Variants in SUPT3H observed in about 807,000 individuals in gnomAD.
SUPT3H encodes transcription initiation protein SPT3 homolog.
A neutral mutation model predicts 44.3 loss-of-function variants in SUPT3H; 44 were observed. The ratio of observed to expected loss-of-function variants is 0.99; its 90% CI spans 0.78 to 1.28. The LOEUF is 1.28. SUPT3H is among the 50% of genes most tolerant of loss of function. SUPT3H has a pLI of 0.00. For missense variants in SUPT3H, 380 were observed against 387.1 expected, an observed-to-expected ratio of 0.98 and a Z score of 0.15; for synonymous variants, 124 against 125.6, an observed-to-expected ratio of 0.99 and a Z score of 0.09.
intron 2 of SUPT3H, chr6:45,328,487 G>A (rs753562538): frequency 6.6e-7 from 1 of 1,505,270 alleles, no homozygotes; most frequent in South Asian, 1.1e-5. Flanking sequence ...CACAGTCTAT[G>A]CAGTAATAGT....
At chr6:45,300,379 T>C (rs1781959060) in intron 2 of SUPT3H, among the ~76,000 whole-genome samples, 1 of 152,164 alleles carries the variant, frequency 6.6e-6, no homozygotes, top group African/African-American at 2.4e-5. Context: ...AAGAAGAGTA[T>C]CCACAGCCAC....
chr6:44,861,447 C>T (rs1774648307), intron 10 of SUPT3H, among the ~76,000 whole-genome samples: 1 of 151,620 alleles, frequency 6.6e-6, no homozygotes, highest in African/African-American at 2.4e-5. Context: ...AGTACAGTGG[C>T]ACAATCTTGT....
intron 6 of SUPT3H, among the ~76,000 whole-genome samples, chr6:44,983,147 C>T (rs1324334594): frequency 1.3e-5 from 2 of 152,110 alleles, no homozygotes; most frequent in Admixed American, 6.5e-5. Flanking sequence ...GTTTGAGTCA[C>T]ATAAGCATAG....
intron 2 of SUPT3H, among the ~76,000 whole-genome samples, chr6:45,149,999 A>T (rs1254634430): frequency 1.3e-5 from 2 of 151,374 alleles, no homozygotes; most frequent in African/African-American, 2.5e-5. Context: ...ATATCAGGTA[A>T]ATTGAATCTG....
intron 10 of SUPT3H, among the ~76,000 whole-genome samples, chr6:44,919,507 C>T (rs1017354325): frequency 1.8e-4 from 27 of 151,258 alleles, no homozygotes; most frequent in African/African-American, 6.6e-4. Context: ...TTGAGCTACC[C>T]CCACCCTTAA....
Position 44,956,415 on chromosome 6 carries a change from T to C in SUPT3H, c.581-1808A>G, listed in dbSNP as rs150431591. Among the ~76,000 whole-genome samples, 1,275 of 135,348 alleles carry C rather than the reference T, an allele frequency of 9.4e-3. 23 individuals are homozygous for C. The highest frequency in any genetic ancestry group is 0.034 in the African/African-American group (1,199 of 35,166). The allele number at this position is 135,348 out of a possible 152,430, so 88.8% of individuals were successfully genotyped here. On this transcript the variant is annotated intron_variant, in intron 7 of 10. Coordinates refer to ENST00000371459, the MANE Select transcript of SUPT3H (RefSeq NM_003599.4). Reference sequence around the variant, plus strand: ...AGGAGAATTGATTGAAACCGGAAGGTGGAGGTTGCAGTGAGCCGAGATGGC... The same window carrying C: ...AGGAGAATTGATTGAAACCGGAAGGCGGAGGTTGCAGTGAGCCGAGATGGC...
chr6:44,959,509 G>C (rs935532424), intron 7 of SUPT3H, among the ~76,000 whole-genome samples: 2 of 151,184 alleles, frequency 1.3e-5, no homozygotes, highest in Admixed American at 6.6e-5. Context: ...TGAAAGTAAA[G>C]GACTGGAAAA....
rs1767967677 is a variant in SUPT3H, at chr6:44,828,102, G to GGTA, written c.*1713_*1714insTAC. Among the ~76,000 whole-genome samples, 1 of 152,100 alleles carries GGTA rather than the reference G, an allele frequency of 6.6e-6. No homozygotes were observed. The highest frequency in any genetic ancestry group is 2.1e-4 in the South Asian group (1 of 4,830). Reference sequence around the variant, plus strand: ...AATGTGGGAGAGAAGGAATTTTGATGTGAAAAATTATCCCCTGAAAATTTT... The same window carrying GGTA: ...AATGTGGGAGAGAAGGAATTTTGATGGTATGAAAAATTATCCCCTGAAAATTTT... On this transcript the variant is annotated 3_prime_UTR_variant, in exon 11 of 11. Coordinates refer to ENST00000371459, the MANE Select transcript of SUPT3H (RefSeq NM_003599.4).
intron 2 of SUPT3H, among the ~76,000 whole-genome samples, chr6:45,290,187 G>C (rs1448044113): frequency 1.3e-5 from 2 of 149,712 alleles, no homozygotes; most frequent in Non-Finnish European, 3.0e-5. Flanking sequence ...CTCAAAAAAA[G>C]AAAAAAAAAT....
At chr6:44,883,680 A>G (rs1358081814) in intron 10 of SUPT3H, among the ~76,000 whole-genome samples, 1 of 152,162 alleles carries the variant, frequency 6.6e-6, no homozygotes, top group Non-Finnish European at 1.5e-5. Context: ...TATACAGACC[A>G]ATGGAACAGA....
At chr6:45,148,627 T>C (rs567261029) in intron 2 of SUPT3H, among the ~76,000 whole-genome samples, 1 of 152,264 alleles carries the variant, frequency 6.6e-6, no homozygotes, top group South Asian at 2.1e-4. Context: ...TACTACAACT[T>C]TTCTTCTGAC....
intron 3 of SUPT3H, among the ~76,000 whole-genome samples, chr6:45,027,983 C>G (rs1245578750): frequency 6.6e-6 from 1 of 152,134 alleles, no homozygotes; most frequent in African/African-American, 2.4e-5. Flanking sequence ...ACTTCAAGTT[C>G]TGAAAATTCG....
chr6:45,125,972 C>A lies in SUPT3H; in HGVS notation c.102-19966G>T, dbSNP rs180808729. Among the ~76,000 whole-genome samples the A allele has an allele frequency of 2.6e-3, 390 of 152,130 alleles. 3 individuals carry two copies. The highest frequency in any genetic ancestry group is 8.6e-3 in the African/African-American group (356 of 41,508). Reference sequence around the variant, plus strand: ...CAGAAGTTTTGAAAAAGGAGATTCACATAGAATGTTGCCCAAATTTTCTGA... The same window carrying A: ...CAGAAGTTTTGAAAAAGGAGATTCAAATAGAATGTTGCCCAAATTTTCTGA... On this transcript the variant is annotated intron_variant, in intron 2 of 10. Transcript: ENST00000371459.
chr6:44,821,963 T>C (rs1410943066), downstream of SUPT3H, among the ~76,000 whole-genome samples: 1 of 152,102 alleles, frequency 6.6e-6, no homozygotes, highest in Admixed American at 6.5e-5. Context: ...TATTGTTTTT[T>C]AAAAAAAGGT....
chr6:45,127,355 G>T (rs1240964656), intron 2 of SUPT3H, among the ~76,000 whole-genome samples: 1 of 151,958 alleles, frequency 6.6e-6, no homozygotes, highest in East Asian at 1.9e-4. Flanking sequence ...TATGAACACT[G>T]TCCTCATACA....
At chr6:45,159,035 C>T (rs1808493326) in intron 2 of SUPT3H, 1 of 152,162 alleles carries the variant, frequency 6.6e-6, no homozygotes, top group Admixed American at 6.6e-5. Flanking sequence ...ATGACCTATG[C>T]AGTTGTGTTA....
At chr6:44,861,322 C>G (rs745701524) in intron 10 of SUPT3H, among the ~76,000 whole-genome samples, 2 of 152,188 alleles carry the variant, frequency 1.3e-5, no homozygotes, top group African/African-American at 4.8e-5. Flanking sequence ...GTGATCCTCT[C>G]ACCTCAGCTT....
chr6:45,310,984 G>A (rs1783856004), intron 2 of SUPT3H, among the ~76,000 whole-genome samples: 3 of 152,230 alleles, frequency 2.0e-5, no homozygotes, highest in South Asian at 4.1e-4. Context: ...GCTAAACAGG[G>A]AGGGACCAGA....
chr6:44,854,604 C>T (rs536482016), intron 10 of SUPT3H, among the ~76,000 whole-genome samples: 192 of 152,240 alleles, frequency 1.3e-3, no homozygotes, highest in African/African-American at 4.3e-3. Flanking sequence ...CAGAATTCTC[C>T]TCTCTTTTCT....
Sources: allele counts gnomAD v4.1 joint callset (sites outside exome capture counted in the v4.1 genomes callset), GRCh38; gene constraint gnomAD v4.1.1; transcripts MANE v1.5; gene names NCBI Gene and HGNC (gene_info 2026-07-23, HGNC 2026-07-21).